FLNC: variants seen among roughly 807,000 people sequenced by gnomAD.
FLNC encodes filamin C, also known as filamin-C.
Under a neutral mutation model 254.3 loss-of-function variants are expected in FLNC, and 91 were observed. The ratio of observed to expected loss-of-function variants is 0.36; its 90% CI spans 0.30 to 0.43. The LOEUF (loss-of-function observed/expected upper bound fraction) is 0.43, where lower values mean the gene tolerates loss of function less well. FLNC is among the 20% of genes least tolerant of loss of function. The probability of loss-of-function intolerance (pLI) is 1.00; values close to 1 mark genes in which losing one functional copy is unlikely to be tolerated. For synonymous variants in FLNC, 1,430 were observed against 1,577.2 expected (o/e 0.91, Z 2.21); for missense variants, 2,853 against 3,802.6 (o/e 0.75, Z 6.57).
Position 128,840,975 on chromosome 7 carries a change from G to T in FLNC, c.1813+5G>T. ...GCACCGAGGTGGGGACACTGGGTAAGTGGCTGGGGGGCAGGAGGAGGGAGT... is the reference window on the plus strand; with the variant it reads ...GCACCGAGGTGGGGACACTGGGTAATTGGCTGGGGGGCAGGAGGAGGGAGT... On this transcript the variant is annotated splice_donor_5th_base_variant and intron_variant, in intron 11 of 47. Coordinates refer to ENST00000325888, the MANE Select transcript of FLNC (RefSeq NM_001458.5). 6.3e-7 allele frequency: 1 copy of T among 1,589,308 alleles called. No individual in the cohort carries two copies. Among genetic ancestry groups the T allele is most frequent in the Non-Finnish European group, 8.6e-7 (1 of 1,167,812 alleles).
In FLNC at chr7:128,859,104, A is replaced by G. The variant is rs1809194447; in HGVS notation, c.*581A>G. The G allele has an allele frequency of 6.4e-6, 1 of 156,118 alleles. No homozygotes were observed. Among genetic ancestry groups the G allele is most frequent in the Non-Finnish European group, 1.4e-5 (1 of 70,300 alleles). The allele number at this position is 156,118 out of a possible 1,614,324, so 9.7% of individuals were successfully genotyped here. ...CCAAGCCAGGCTCCCAGGGGGCCTGATTTCTCTCTCACTGTCTCTTTTTTT... is the reference window on the plus strand; with the variant it reads ...CCAAGCCAGGCTCCCAGGGGGCCTGGTTTCTCTCTCACTGTCTCTTTTTTT... On this transcript the variant is annotated 3_prime_UTR_variant, in exon 48 of 48. Transcript: ENST00000325888.
chr7:128,852,957 G>C lies in FLNC; in HGVS notation c.6134G>C (p.Arg2045Pro), dbSNP rs747196571. 1 of 1,613,544 alleles carries C rather than the reference G, an allele frequency of 6.2e-7. No homozygotes were observed. The highest frequency in any genetic ancestry group is 8.5e-7 in the Non-Finnish European group (1 of 1,180,034). ...PSEIGDASKV[R>P]VWGKGLSEGH... is the part of the protein sequence containing the mutation. Reference sequence around the variant, plus strand: ...GAGATCGGGGACGCCAGCAAGGTGCGGGTCTGGGGCAAGGGGCTTTCCGAG... The same window carrying C: ...GAGATCGGGGACGCCAGCAAGGTGCCGGTCTGGGGCAAGGGGCTTTCCGAG... The change falls in exon 37 of 48, where the codon CGG becomes CCG. Residue 2045 changes from arginine to proline, a missense_variant. Physicochemically the swap from Arg to Pro is moderately radical, Grantham distance 103. This residue lies in a region of FLNC where 551 missense variants were observed against 835.0 expected (regional missense o/e 0.66). Coordinates refer to ENST00000325888, the MANE Select transcript of FLNC (RefSeq NM_001458.5).
rs1230195677 is a variant in FLNC, at chr7:128,830,450, G to C, written c.-188G>C. The stretch of plus-strand genomic sequence containing the variant: ...CCGGCCCTGGAGGGAGAGAGAGCCA[G>C]AGAGCGGCCGAGCGCCTAGGAGGCC... On this transcript the variant is annotated 5_prime_UTR_variant, in exon 1 of 48. Transcript: ENST00000325888. 8 of 607,554 alleles carry C rather than the reference G, an allele frequency of 1.3e-5. No individual in the cohort carries two copies. The highest frequency in any genetic ancestry group is 2.3e-5 in the Non-Finnish European group (8 of 344,780). 37.6% of individuals were successfully genotyped at this position (607,554 alleles called of 1,614,324 possible). A position where few individuals can be genotyped will look rare whatever the true frequency, so the allele number is the denominator to read the frequency against.
chr7:128,833,149 C>T (rs1475980780), intron 1 of FLNC, among the ~76,000 whole-genome samples: 5 of 152,234 alleles, frequency 3.3e-5, no homozygotes, highest in Non-Finnish European at 5.9e-5. Flanking sequence ...TCCTGGCCCC[C>T]CGTTGCCCCT....
rs1460291006 is a variant in FLNC, at chr7:128,858,100, T to G, written c.7873T>G (p.Tyr2625Asp). 6.2e-7 allele frequency: 1 copy of G among 1,613,610 alleles called. No individual in the cohort carries two copies. The highest frequency in any genetic ancestry group is 8.5e-7 in the Non-Finnish European group (1 of 1,179,800). ...GTCCTCCTCAAGCCGGGGCTCCAGCTACAGCTCCATCCCCAAGTTCTCCTC... is the reference window on the plus strand; with the variant it reads ...GTCCTCCTCAAGCCGGGGCTCCAGCGACAGCTCCATCCCCAAGTTCTCCTC... The part of the protein sequence containing the change: ...TKSSSSRGSS[Y>D]SSIPKFSSDA... The change falls in exon 47 of 48, where the codon TAC becomes GAC. Residue 2625 changes from tyrosine to aspartate, a missense_variant. By Grantham distance (160) the Tyr-to-Asp change is radical. Transcript: ENST00000325888. This position sits in a 1 kb window ranked among gnomAD's most constrained non-coding sequence, Gnocchi z 6.7.
At chr7:128,848,448 C>CA (rs1678366833) in intron 26 of FLNC, 113 bp from the exon 27 acceptor site, 2 of 1,155,052 alleles carry the variant, frequency 1.7e-6, no homozygotes, top group Non-Finnish European at 2.6e-6. Flanking sequence ...CCCTGCCCCA[C>CA]AGTCCTCCCT....
At chr7:128,832,944 G>T (rs1209393588) in intron 1 of FLNC, among the ~76,000 whole-genome samples, 1 of 152,180 alleles carries the variant, frequency 6.6e-6, no homozygotes, top group African/African-American at 2.4e-5. Flanking sequence ...CTATCCATGG[G>T]GCCACCTTCT....
intron 33 of FLNC, 77 bp downstream of exon 33, chr7:128,851,020 C>A (rs1242670506): frequency 1.3e-6 from 2 of 1,581,056 alleles, no homozygotes; most frequent in South Asian, 1.1e-5. Context: ...TTCCCTCTTT[C>A]AACAAATATT....
rs1808210779 is a variant in FLNC, at chr7:128,838,765, C to G, written c.1373C>G (p.Pro458Arg). ...GTGCATGTGGCCTTTGCGGGTGCCC[C>G]CATCACCCGCAGTCCCTTCCCTGTC... ...HTVHVAFAGA[P>R]ITRSPFPVHV... The change falls in exon 8 of 48, where the codon CCC becomes CGC. Residue 458 changes from proline (P) to arginine (R), a missense_variant. Physicochemically the swap from Pro to Arg is moderately radical, Grantham distance 103. This residue lies in a region of FLNC where 1,573 missense variants were observed against 1,883.5 expected (regional missense o/e 0.84). Transcript: ENST00000325888. The G allele has an allele frequency of 1.2e-6, 2 of 1,612,920 alleles. No individual in the cohort carries two copies. Among genetic ancestry groups the G allele is most frequent in the Non-Finnish European group, 1.7e-6 (2 of 1,179,954 alleles).
Position 128,857,378 on chromosome 7 carries a change from A to G in FLNC, c.7780+42A>G. On this transcript the variant is annotated intron_variant, in intron 46 of 47. Transcript: ENST00000325888. The surrounding 1 kb of genome is among the most constrained non-coding windows in gnomAD (Gnocchi z 4.5). ...GGGAGGTCCACCCAGCCTGCAGCCC[A>G]GCCCAGCCTGGAGGGCTCCGGTGGC... 6.7e-7 allele frequency: 1 copy of G among 1,481,520 alleles called. No homozygotes were observed. 91.8% of individuals were successfully genotyped at this position (1,481,520 alleles called of 1,614,324 possible). A position where few individuals can be genotyped will look rare whatever the true frequency, so the allele number is the denominator to read the frequency against.
rs1290831705 is a variant in FLNC, at chr7:128,841,463, T to G, written c.2017T>G (p.Phe673Val). ...PDCFPDKVKAFGPGLEPTGCI... is the reference protein window; with the variant it reads ...PDCFPDKVKAVGPGLEPTGCI... ...TCTTCCCTCCGCACAGGTGAAGGCC[T>G]TTGGGCCTGGCCTGGAGCCTACCGG... The change falls in exon 13 of 48, where the codon TTT becomes GTT. Residue 673 changes from phenylalanine to valine, a missense_variant. This residue lies in a region of FLNC where 1,573 missense variants were observed against 1,883.5 expected (regional missense o/e 0.84). Coordinates refer to ENST00000325888, the MANE Select transcript of FLNC (RefSeq NM_001458.5). The surrounding 1 kb of genome is among the most constrained non-coding windows in gnomAD (Gnocchi z 4.3). 1 of 1,613,976 alleles carries G rather than the reference T, an allele frequency of 6.2e-7. No homozygotes were observed. Among genetic ancestry groups the G allele is most frequent in the East Asian group, 2.2e-5 (1 of 44,878 alleles).
chr7:128,830,442 G>A lies in FLNC; in HGVS notation c.-196G>A, dbSNP rs1807837204. 6.7e-6 allele frequency: 4 copies of A among 600,366 alleles called. No homozygotes were observed. The highest frequency in any genetic ancestry group is 1.2e-5 in the Non-Finnish European group (4 of 340,494). 37.2% of individuals were successfully genotyped at this position (600,366 alleles called of 1,614,324 possible). ...GCACCGCTCCGGCCCTGGAGGGAGA[G>A]AGAGCCAGAGAGCGGCCGAGCGCCT... On this transcript the variant is annotated 5_prime_UTR_variant, in exon 1 of 48. Coordinates refer to ENST00000325888, the MANE Select transcript of FLNC (RefSeq NM_001458.5).
chr7:128,852,142 G>C (rs1466912832), intron 35 of FLNC, among the ~76,000 whole-genome samples: 1 of 152,198 alleles, frequency 6.6e-6, no homozygotes, highest in Non-Finnish European at 1.5e-5. Context: ...GGGATTACAG[G>C]TGTGAGCCAC....
chr7:128,837,898 C>CT, intron 5 of FLNC, 89 bp from the exon 6 acceptor site: 1 of 1,384,458 alleles, frequency 7.2e-7, no homozygotes, highest in South Asian at 1.2e-5. Flanking sequence ...ACCATGGGGG[C>CT]TGAGTGGGGC....
Position 128,852,747 on chromosome 7 carries a change from A to C in FLNC, c.5999A>C (p.His2000Pro), listed in dbSNP as rs572095826. ...PCLLKRLPNR[H>P]IGISFTPKEV... ...CTGCTGAAGCGCCTGCCCAACCGGCACATTGGTGAGCGTGGGGCCTCACGG... is the reference window on the plus strand; with the variant it reads ...CTGCTGAAGCGCCTGCCCAACCGGCCCATTGGTGAGCGTGGGGCCTCACGG... The change falls in exon 36 of 48, where the codon CAC (histidine) becomes CCC (proline). Residue 2000 changes from histidine (H) to proline (P), a missense_variant. By Grantham distance (77) the His-to-Pro change is moderately conservative (BLOSUM62 -2). Transcript: ENST00000325888. 2 of 1,613,192 alleles carry C rather than the reference A, an allele frequency of 1.2e-6. No individual in the cohort carries two copies. Among genetic ancestry groups the C allele is most frequent in the African/African-American group, 2.7e-5 (2 of 75,050 alleles).
At chr7:128,833,903 A>G (rs1807990442) in intron 1 of FLNC, among the ~76,000 whole-genome samples, 1 of 152,114 alleles carries the variant, frequency 6.6e-6, no homozygotes, top group Non-Finnish European at 1.5e-5. Flanking sequence ...GGAAGGAAGG[A>G]TGAATCAGTG....
In FLNC at chr7:128,841,384, C is replaced by T. The variant is rs1001928870; in HGVS notation, c.2007+21C>T. ...ATAAGGTGTGGTCCCAGCTCACACA[C>T]ACCTGCCCCGGGGGTGGGGCAAGCT... On this transcript the variant is annotated intron_variant, in intron 12 of 47. Coordinates refer to ENST00000325888, the MANE Select transcript of FLNC (RefSeq NM_001458.5). This position sits in a 1 kb window ranked among gnomAD's most constrained non-coding sequence, Gnocchi z 4.3. The T allele has an allele frequency of 3.1e-6, 5 of 1,613,784 alleles. No homozygotes were observed. Among genetic ancestry groups the T allele is most frequent in the Admixed American group, 1.7e-5 (1 of 60,026 alleles).
Position 128,830,897 on chromosome 7 carries a change from A to T in FLNC, c.260A>T (p.His87Leu). The T allele has an allele frequency of 6.2e-7, 1 of 1,613,084 alleles. No homozygotes were observed. The highest frequency in any genetic ancestry group is 8.5e-7 in the Non-Finnish European group (1 of 1,179,914). Residue 87 changes from histidine to leucine, a missense_variant, in exon 1 of 48, where the codon CAT (histidine) becomes CTT (leucine). By Grantham distance (99) the His-to-Leu change is moderately conservative (BLOSUM62 -3). Around this residue, in one of 10 missense-constraint regions of FLNC, gnomAD observed 59 missense variants for 59.8 expected, o/e 0.99. Coordinates refer to ENST00000325888, the MANE Select transcript of FLNC (RefSeq NM_001458.5). ...LSQKRMYRKF[H>L]PRPNFRQMKL... ...CAGAAGCGCATGTACCGCAAGTTCC[A>T]TCCGCGCCCCAACTTCCGCCAAATG...
rs1055564303 is a variant in FLNC, at chr7:128,832,439, G to T, written c.352+1450G>T. 4.6e-5 allele frequency among the ~76,000 whole-genome samples: 7 copies of T among 152,342 alleles called. No individual in the cohort carries two copies. The East Asian group carries it at 5.8e-4, about 13-fold the overall frequency. ...CAGCAGGCTGGGTTTTGAAAGGCAG[G>T]ACTGACTGTACCAGGTGGGGTCTGG... On this transcript the variant is annotated intron_variant, in intron 1 of 47. Coordinates refer to ENST00000325888, the MANE Select transcript of FLNC (RefSeq NM_001458.5).
Sources: gnomAD v4.1 joint callset for allele counts (sites outside exome capture counted in the v4.1 genomes callset) on GRCh38, gnomAD v4.1.1 for gene constraint, gnomAD v4.1.1 regional missense constraint, Gnocchi (gnomAD v3.1) non-coding constraint, MANE v1.5 for transcripts, NCBI Gene and HGNC (gene_info 2026-07-23, HGNC 2026-07-21) for gene names.